Variants in SNTG2 observed in about 807,000 individuals in gnomAD.
SNTG2 encodes the protein gamma-2-syntrophin.
Under a neutral mutation model 70.9 loss-of-function variants are expected in SNTG2, and 74 were observed. The observed-to-expected ratio is 1.04, with a 90% CI of 0.86 to 1.27. The LOEUF is 1.27. Among genes scored for constraint, SNTG2 ranks in the 50% most tolerant of loss-of-function variants. SNTG2 has a pLI of 0.00. For missense variants in SNTG2, 717 were observed against 690.7 expected, an observed-to-expected ratio of 1.04 and a Z score of -0.43; for synonymous variants, 278 against 273.8, an observed-to-expected ratio of 1.02 and a Z score of -0.15.
chr2:1,341,004 T>C (rs552717207), intron 16 of SNTG2: 1 of 152,184 alleles, frequency 6.6e-6, no homozygotes, highest in African/African-American at 2.4e-5. Context: ...ATTCTCCCAA[T>C]AGACACAGAC....
chr2:1,129,721 T>C (rs1369513322), intron 4 of SNTG2, among the ~76,000 whole-genome samples: 1 of 152,218 alleles, frequency 6.6e-6, no homozygotes, highest in Non-Finnish European at 1.5e-5. Flanking sequence ...CAACCACTTC[T>C]GGTTGTCATG....
At chr2:1,073,633 C>T (rs1298436889) in intron 1 of SNTG2, among the ~76,000 whole-genome samples, 1 of 152,170 alleles carries the variant, frequency 6.6e-6, no homozygotes, top group Non-Finnish European at 1.5e-5. Context: ...TTTGAGGTTG[C>T]TTGTTCTTCT....
chr2:1,128,664 T>C (rs114985419), intron 4 of SNTG2, among the ~76,000 whole-genome samples: 1,627 of 152,160 alleles, frequency 0.011, 27 homozygotes, highest in African/African-American at 0.038. Flanking sequence ...CTTTCAATAT[T>C]GTTTATATAC....
At chr2:1,005,413 G>A (rs890702900) in intron 1 of SNTG2, among the ~76,000 whole-genome samples, 2 of 152,026 alleles carry the variant, frequency 1.3e-5, no homozygotes, top group African/African-American at 4.8e-5. Context: ...GTGCACATGT[G>A]GGGGCGGTGG....
intron 8 of SNTG2, among the ~76,000 whole-genome samples, chr2:1,200,989 A>G (rs1417902699): frequency 2.6e-5 from 4 of 152,032 alleles, no homozygotes; most frequent in Non-Finnish European, 5.9e-5. Flanking sequence ...ACAGTATGGA[A>G]GCTCTTCAGA....
In SNTG2 at chr2:1,267,455, A is replaced by C; in HGVS notation, c.1168A>C (p.Ser390Arg). 2.5e-6 allele frequency: 4 copies of C among 1,613,594 alleles called. No individual in the cohort carries two copies. The highest frequency in any genetic ancestry group is 3.4e-6 in the Non-Finnish European group (4 of 1,179,730). Residue 390 changes from serine to arginine, a missense_variant, in exon 14 of 17, where the codon AGC becomes CGC. Transcript: ENST00000308624. Reference protein sequence around the residue: ...DFEDQRPYCFSIVAGHGKSHV... With the variant: ...DFEDQRPYCFRIVAGHGKSHV... ...TGAGGACCAGAGGCCCTATTGCTTC[A>C]GCATCGTGGCCGGCCATGGGAAGAG...
chr2:1,051,157 T>TCCTTTCTTCCTCCCTCC (rs1662040047), intron 1 of SNTG2, among the ~76,000 whole-genome samples: 1 of 99,998 alleles, frequency 1.0e-5, no homozygotes, highest in Non-Finnish European at 2.1e-5. Flanking sequence ...TCCCTCCCTC[T>TCCTTTCTTCCTCCCTCC]CCCCCTTTCT....
chr2:1,030,230 T>C (rs1393652825), intron 1 of SNTG2, among the ~76,000 whole-genome samples: 1 of 152,228 alleles, frequency 6.6e-6, no homozygotes, highest in African/African-American at 2.4e-5. Flanking sequence ...TCTTGAGCTG[T>C]GCAGTCATGC....
chr2:1,001,072 C>T lies in SNTG2; in HGVS notation c.72+50004C>T, dbSNP rs189607715. Reference sequence around the variant, plus strand: ...AAGCATTCAATAAATTCCAACATCCCTTCATAATAAAACCCTGAACAAGCT... The same window carrying T: ...AAGCATTCAATAAATTCCAACATCCTTTCATAATAAAACCCTGAACAAGCT... On this transcript the variant is annotated intron_variant, in intron 1 of 16. Transcript: ENST00000308624. Among the ~76,000 whole-genome samples, 72 of 152,090 alleles carry T rather than the reference C, an allele frequency of 4.7e-4. 1 individual carries two copies. The highest frequency in any genetic ancestry group is 7.5e-4 in the Non-Finnish European group (51 of 67,878).
chr2:1,132,201 A>G (rs557145787), intron 4 of SNTG2, among the ~76,000 whole-genome samples: 31 of 151,062 alleles, frequency 2.1e-4, no homozygotes, highest in South Asian at 4.2e-4. Flanking sequence ...ATGTGTGTGT[A>G]TATATATGTG....
At chr2:1,092,081 C>T (rs1392116525) in intron 2 of SNTG2, among the ~76,000 whole-genome samples, 2 of 152,202 alleles carry the variant, frequency 1.3e-5, no homozygotes, top group Admixed American at 1.3e-4. Flanking sequence ...TCAACAGCCC[C>T]CTCACATAGC....
chr2:1,208,745 T>C (rs1376901184), intron 8 of SNTG2, among the ~76,000 whole-genome samples: 1 of 152,184 alleles, frequency 6.6e-6, no homozygotes, highest in Non-Finnish European at 1.5e-5. Flanking sequence ...CTAAACTCGC[T>C]GAGTGGACAT....
intron 13 of SNTG2, among the ~76,000 whole-genome samples, chr2:1,264,231 G>A (rs1422636750): frequency 6.6e-6 from 1 of 152,208 alleles, no homozygotes; most frequent in Non-Finnish European, 1.5e-5. Flanking sequence ...ACCATCTGCA[G>A]TGGAGAGGAA....
At position 1,003,292 on chromosome 2, in the gene SNTG2, A is replaced by G. The variant is rs1240499443; in HGVS notation, c.72+52224A>G. 6.6e-5 allele frequency among the ~76,000 whole-genome samples: 10 copies of G among 152,186 alleles called. No individual in the cohort carries two copies. The South Asian group carries it at 1.7e-3, about 25-fold the overall frequency. The stretch of plus-strand genomic sequence containing the variant: ...TGGATTTGCACGAGTATATGAATCT[A>G]TTATGGGAGGATGACAGTGTATAGT... On this transcript the variant is annotated intron_variant, in intron 1 of 16. Transcript: ENST00000308624.
At chr2:1,240,932 C>A (rs28645697) in intron 11 of SNTG2, among the ~76,000 whole-genome samples, 33,733 of 152,048 alleles carry the variant, frequency 0.22, 5,965 homozygotes, top group African/African-American at 0.49. Flanking sequence ...CATAAAATAT[C>A]ATTTCCCTAC....
rs577563977 is a variant in SNTG2, at chr2:1,272,463, T to TAAAAAAAA, written c.1284+4907_1284+4914dup. On this transcript the variant is annotated intron_variant, in intron 14 of 16. Coordinates refer to ENST00000308624, the MANE Select transcript of SNTG2 (RefSeq NM_018968.4). The stretch of plus-strand genomic sequence containing the variant: ...CTAACAGGCCACAGACTGGTACTGG[T>TAAAAAAAA]AAAAAAAAAAAAAAAAAAAAAAGGA... Among the ~76,000 whole-genome samples, 53 of 51,882 alleles carry TAAAAAAAA rather than the reference T, an allele frequency of 1.0e-3. 9 individuals carry two copies. Among genetic ancestry groups the TAAAAAAAA allele is most frequent in the African/African-American group, 4.4e-3 (47 of 10,664 alleles). The allele number at this position is 51,882 out of a possible 152,430, so 34.0% of individuals were successfully genotyped here.
intron 1 of SNTG2, among the ~76,000 whole-genome samples, chr2:979,345 G>A (rs934370034): frequency 1.3e-5 from 2 of 152,222 alleles, no homozygotes; most frequent in Admixed American, 1.3e-4. Flanking sequence ...AATTCAAGGA[G>A]ATAATTGATT....
At chr2:1,151,632 T>C (rs1019941325) in intron 6 of SNTG2, among the ~76,000 whole-genome samples, 1 of 152,206 alleles carries the variant, frequency 6.6e-6, no homozygotes, top group Non-Finnish European at 1.5e-5. Flanking sequence ...CATATTTAGA[T>C]TTTTATGACT....
Position 955,588 on chromosome 2 carries a change from A to G in SNTG2, c.72+4520A>G, listed in dbSNP as rs1207262668. Among the ~76,000 whole-genome samples the G allele has an allele frequency of 2.6e-5, 4 of 152,268 alleles. No homozygotes were observed. The East Asian group carries it at 7.7e-4, about 29-fold the overall frequency. On this transcript the variant is annotated intron_variant, in intron 1 of 16. Coordinates refer to ENST00000308624, the MANE Select transcript of SNTG2 (RefSeq NM_018968.4). ...GTTTAAATGACAAATCCTGTGCAAG[A>G]ATTAAATTCCACTTCTGTAAACAAT...
Sources: allele counts gnomAD v4.1 joint callset (sites outside exome capture counted in the v4.1 genomes callset), GRCh38; gene constraint gnomAD v4.1.1; transcripts MANE v1.5; gene names NCBI Gene and HGNC (gene_info 2026-07-23, HGNC 2026-07-21).